Variants in SPATS2L observed in about 807,000 individuals in gnomAD.
SPATS2L encodes the protein SPATS2-like protein.
Under a neutral mutation model 59.6 loss-of-function variants are expected in SPATS2L, and 30 were observed. That is an observed-to-expected ratio of 0.50 (90% CI 0.38 to 0.68). The LOEUF (loss-of-function observed/expected upper bound fraction) is 0.68, where lower values mean the gene tolerates loss of function less well. Among genes scored for constraint, SPATS2L ranks in the 30% least tolerant of loss-of-function variants. The probability of loss-of-function intolerance (pLI) is 0.00; values close to 1 mark genes in which losing one functional copy is unlikely to be tolerated. For missense variants in SPATS2L, 615 were observed against 700.0 expected, an observed-to-expected ratio of 0.88 and a Z score of 1.37; for synonymous variants, 252 against 263.5, an observed-to-expected ratio of 0.96 and a Z score of 0.42.
intron 2 of SPATS2L, among the ~76,000 whole-genome samples, chr2:200,380,606 C>CT (rs2081773355): frequency 6.6e-6 from 1 of 152,206 alleles, no homozygotes; most frequent in Admixed American, 6.5e-5. Flanking sequence ...ATTCAATTTT[C>CT]TTTCTTCCCC....
At chr2:200,453,649 C>T (rs750195832) in intron 8 of SPATS2L, among the ~76,000 whole-genome samples, 6 of 152,198 alleles carry the variant, frequency 3.9e-5, no homozygotes, top group Non-Finnish European at 5.9e-5. Flanking sequence ...TCAAGGCCCA[C>T]GTGGTGGTCA....
intron 6 of SPATS2L, 99 bp downstream of exon 6, chr2:200,419,595 G>A: frequency 1.4e-6 from 2 of 1,402,126 alleles, no homozygotes; most frequent in Non-Finnish European, 1.9e-6. Flanking sequence ...AAAATGGAAG[G>A]TTGTTTTTCT....
intron 8 of SPATS2L, among the ~76,000 whole-genome samples, chr2:200,441,114 A>C (rs556198609): frequency 1.3e-5 from 2 of 152,352 alleles, no homozygotes; most frequent in East Asian, 3.9e-4. Flanking sequence ...AATATCATGA[A>C]TACTACTAGG....
chr2:200,456,308 C>T (rs774225563), intron 8 of SPATS2L, among the ~76,000 whole-genome samples: 3 of 152,204 alleles, frequency 2.0e-5, no homozygotes, highest in Admixed American at 1.3e-4. Flanking sequence ...TGAATTACTA[C>T]GATGCTTGCA....
chr2:200,481,494 A>T lies in SPATS2L; in HGVS notation c.*3463A>T, dbSNP rs1483194023. On this transcript the variant is annotated 3_prime_UTR_variant, in exon 13 of 13. Transcript: ENST00000409140. ...CCGACGCAGGCACAGGTCCGCAACC[A>T]GATAGGGAGATGCCTGAATTTCAGG... 6.6e-6 allele frequency: 1 copy of T among 152,262 alleles called. No homozygotes were observed. The highest frequency in any genetic ancestry group is 2.4e-5 in the African/African-American group (1 of 41,466). 9.4% of individuals were successfully genotyped at this position (152,262 alleles called of 1,614,324 possible).
intron 3 of SPATS2L, among the ~76,000 whole-genome samples, chr2:200,404,534 T>C (rs2082630122): frequency 1.3e-5 from 2 of 152,098 alleles, no homozygotes; most frequent in African/African-American, 4.8e-5. Flanking sequence ...ATCTGGAAGG[T>C]ATATTTTTTT....
At chr2:200,458,714 C>T (rs2086026853) in intron 8 of SPATS2L, among the ~76,000 whole-genome samples, 1 of 147,464 alleles carries the variant, frequency 6.8e-6, no homozygotes, top group East Asian at 2.0e-4. Context: ...TTGTTTAGAT[C>T]CTGGTTTTAA....
intron 1 of SPATS2L, among the ~76,000 whole-genome samples, chr2:200,326,947 A>C: frequency 8.2e-6 from 1 of 122,680 alleles, no homozygotes. Context: ...GGGTTTTGCC[A>C]TGTTGGCCAG....
At chr2:200,469,774 C>A in intron 10 of SPATS2L, 140 bp from the exon 11 acceptor site, 1 of 636,462 alleles carries the variant, frequency 1.6e-6, no homozygotes, top group South Asian at 2.0e-5. Flanking sequence ...AGCGTGGAGC[C>A]TCCCAGCAAC....
chr2:200,325,336 G>C lies in SPATS2L; in HGVS notation c.-72-4095G>C, dbSNP rs550733864. Among the ~76,000 whole-genome samples, 220 of 152,268 alleles carry C rather than the reference G, an allele frequency of 1.4e-3. 1 individual carries two copies. The highest frequency in any genetic ancestry group is 4.4e-3 in the South Asian group (21 of 4,812). On this transcript the variant is annotated intron_variant, in intron 1 of 12. Coordinates refer to ENST00000409140, the MANE Select transcript of SPATS2L (RefSeq NM_001100423.2). ...TGAGCAGGTACATGTGAGCAAAGTG[G>C]CAGGTACAGCTGAATCCAAGATTCT... is the stretch of plus-strand genomic sequence containing the variant.
At chr2:200,310,095 AG>A (rs2079146133) in intron 1 of SPATS2L, among the ~76,000 whole-genome samples, 1 of 152,198 alleles carries the variant, frequency 6.6e-6, no homozygotes, top group South Asian at 2.1e-4. Context: ...CTTTGTCTCT[AG>A]TACTGATCCA....
At chr2:200,416,719 A>G (rs2083077004) in intron 5 of SPATS2L, among the ~76,000 whole-genome samples, 1 of 152,190 alleles carries the variant, frequency 6.6e-6, no homozygotes, top group African/African-American at 2.4e-5. Context: ...AATTCAAAGG[A>G]TTCAAAACAT....
At position 200,444,424 on chromosome 2, in the gene SPATS2L, A is replaced by T. The variant is rs1305089477; in HGVS notation, c.788+3640A>T. 3.9e-5 allele frequency among the ~76,000 whole-genome samples: 6 copies of T among 152,314 alleles called. No homozygotes were observed. The East Asian group carries it at 1.2e-3, about 29-fold the overall frequency. On this transcript the variant is annotated intron_variant, in intron 8 of 12. Coordinates refer to ENST00000409140, the MANE Select transcript of SPATS2L (RefSeq NM_001100423.2). Reference sequence around the variant, plus strand: ...AAAAATTCTGTTAGGTGCTATTGTCAATTTAACATCTAATTAAAAGCACCC... The same window carrying T: ...AAAAATTCTGTTAGGTGCTATTGTCTATTTAACATCTAATTAAAAGCACCC...
chr2:200,426,100 TTTTTTTTTG>T, intron 6 of SPATS2L, among the ~76,000 whole-genome samples: 1 of 139,326 alleles, frequency 7.2e-6, no homozygotes, highest in Non-Finnish European at 1.6e-5. Flanking sequence ...TTTTTTTTTT[TTTTTTTTTG>T]AGATGGAGTC....
At chr2:200,470,802 CA>C (rs2086969445) in intron 11 of SPATS2L, among the ~76,000 whole-genome samples, 2 of 152,330 alleles carry the variant, frequency 1.3e-5, no homozygotes, top group Non-Finnish European at 2.9e-5. Context: ...TTTATCACTT[CA>C]CAATCTATGG....
At chr2:200,346,375 G>A (rs1027554904) in intron 2 of SPATS2L, among the ~76,000 whole-genome samples, 1 of 152,154 alleles carries the variant, frequency 6.6e-6, no homozygotes, top group Non-Finnish European at 1.5e-5. Flanking sequence ...AAGTGAAATA[G>A]TTGAATGTGG....
intron 8 of SPATS2L, among the ~76,000 whole-genome samples, chr2:200,447,120 A>G (rs1305265067): frequency 6.6e-6 from 1 of 152,234 alleles, no homozygotes; most frequent in Non-Finnish European, 1.5e-5. Context: ...CTCATTTTGC[A>G]ATAAAACCAA....
intron 1 of SPATS2L, among the ~76,000 whole-genome samples, chr2:200,322,113 C>T (rs372494534): frequency 1.1e-4 from 17 of 152,118 alleles, no homozygotes; most frequent in African/African-American, 4.1e-4. Flanking sequence ...CAATATAGTA[C>T]CTCTTGCGTG....
intron 6 of SPATS2L, among the ~76,000 whole-genome samples, chr2:200,436,563 A>G (rs1044030229): frequency 6.6e-6 from 1 of 152,198 alleles, no homozygotes; most frequent in Non-Finnish European, 1.5e-5. Context: ...AGTAGACCAT[A>G]TATCAGTTCT....
Sources: gnomAD v4.1 joint callset for allele counts (sites outside exome capture counted in the v4.1 genomes callset) on GRCh38, gnomAD v4.1.1 for gene constraint, MANE v1.5 for transcripts, NCBI Gene and HGNC (gene_info 2026-07-23, HGNC 2026-07-21) for gene names.